HIF3A: variants seen among roughly 807,000 people sequenced by gnomAD.
The protein encoded by HIF3A is hypoxia-inducible factor 3-alpha.
In HIF3A, 41 loss-of-function variants were observed where a neutral mutation model predicts 67.2. The observed-to-expected ratio is 0.61, with a 90% CI of 0.48 to 0.79. The LOEUF (loss-of-function observed/expected upper bound fraction) is 0.79, where lower values mean the gene tolerates loss of function less well. Ranked by LOEUF, HIF3A falls within the 30% of genes least tolerant of loss-of-function variation. The probability of loss-of-function intolerance (pLI) is 0.00; values close to 1 mark genes in which losing one functional copy is unlikely to be tolerated. For synonymous variants in HIF3A, 356 were observed against 374.8 expected (o/e 0.95, Z 0.58); for missense variants, 855 against 898.0 (o/e 0.95, Z 0.61).
chr19:46,315,213 C>T lies in HIF3A; in HGVS notation c.1025+2560C>T, dbSNP rs1047926532. ...TCCTGAGTGGCTGGGATTATAGGCG[C>T]GCACCAACACGCCCAGCTAATTTTT... is the stretch of plus-strand genomic sequence containing the variant. On this transcript the variant is annotated intron_variant, in intron 8 of 14. Transcript: ENST00000377670. Among the ~76,000 whole-genome samples the T allele has an allele frequency of 4.0e-4, 59 of 145,950 alleles. 6 individuals carry two copies. Among genetic ancestry groups the T allele is most frequent in the African/African-American group, 1.1e-3 (46 of 40,300 alleles).
chr19:46,334,840 C>A, intron 13 of HIF3A, 65 bp from the exon 14 acceptor site: 1 of 1,383,434 alleles, frequency 7.2e-7, no homozygotes, highest in South Asian at 1.2e-5. Flanking sequence ...ACAGTCACCA[C>A]TCCCGGCTGT....
chr19:46,334,894 C>G lies in HIF3A; in HGVS notation c.1831-11C>G, dbSNP rs765671097. 1 of 1,604,112 alleles carries G rather than the reference C, an allele frequency of 6.2e-7. No individual in the cohort carries two copies. Among genetic ancestry groups the G allele is most frequent in the Non-Finnish European group, 8.5e-7 (1 of 1,174,572 alleles). Reference sequence around the variant, plus strand: ...GATGATGATGGTGGTGGCTTTGTCTCTCTCCCACAGAGTTTCCTTCTGACA... The same window carrying G: ...GATGATGATGGTGGTGGCTTTGTCTGTCTCCCACAGAGTTTCCTTCTGACA... On this transcript the variant is annotated splice_polypyrimidine_tract_variant and intron_variant, in intron 13 of 14. Coordinates refer to ENST00000377670, the MANE Select transcript of HIF3A (RefSeq NM_152795.4).
Position 46,330,268 on chromosome 19 carries a change from A to G in HIF3A, c.1712+790A>G, listed in dbSNP as rs1027642540. ...TATTAATGAATATAGTTGGCACTTT[A>G]ATGGGTGGACAGGTGGATGGATGCA... On this transcript the variant is annotated intron_variant, in intron 12 of 14. Transcript: ENST00000377670. 7.2e-5 allele frequency among the ~76,000 whole-genome samples: 11 copies of G among 152,298 alleles called. No homozygotes were observed. In the East Asian group the frequency reaches 1.9e-3, roughly 27 times the overall value.
At chr19:46,337,815 C>T (rs993049562) in intron 14 of HIF3A, among the ~76,000 whole-genome samples, 5 of 152,228 alleles carry the variant, frequency 3.3e-5, no homozygotes, top group Non-Finnish European at 5.9e-5. Context: ...TAACTTCATA[C>T]GCTCATGGTT....
intron 8 of HIF3A, among the ~76,000 whole-genome samples, chr19:46,317,922 T>G (rs1014466127): frequency 6.6e-6 from 1 of 152,098 alleles, no homozygotes; most frequent in Non-Finnish European, 1.5e-5. Context: ...CACTGCAATC[T>G]TAGCCTCCCG....
At chr19:46,315,851 T>C (rs1969872733) in intron 8 of HIF3A, among the ~76,000 whole-genome samples, 1 of 151,938 alleles carries the variant, frequency 6.6e-6, no homozygotes, top group South Asian at 2.1e-4. Context: ...GAGGTGGAGG[T>C]TGCAGTGAGC....
chr19:46,298,089 A>C (rs1484412445), intron 1 of HIF3A, among the ~76,000 whole-genome samples: 1 of 151,868 alleles, frequency 6.6e-6, no homozygotes, highest in Non-Finnish European at 1.5e-5. Context: ...ACCCTGGAAA[A>C]TGTTCTAGGT....
chr19:46,310,101 TA>T (rs1969298893), intron 6 of HIF3A, among the ~76,000 whole-genome samples: 1 of 152,112 alleles, frequency 6.6e-6, no homozygotes, highest in Non-Finnish European at 1.5e-5. Flanking sequence ...GGCGCATGCC[TA>T]AAATCCCAGC....
At chr19:46,328,741 A>G (rs1369219616) in intron 11 of HIF3A, among the ~76,000 whole-genome samples, 1 of 149,554 alleles carries the variant, frequency 6.7e-6, no homozygotes, top group African/African-American at 2.5e-5. Flanking sequence ...TTTTTTTTTG[A>G]GACAGTATTT....
intron 1 of HIF3A, chr19:46,298,368 C>A: frequency 3.2e-6 from 4 of 1,269,122 alleles, no homozygotes; most frequent in Non-Finnish European, 4.1e-6. Flanking sequence ...CGGGTGCCCC[C>A]CCTCCCCACC....
chr19:46,335,299 C>T (rs999091598), intron 14 of HIF3A, among the ~76,000 whole-genome samples: 6 of 147,840 alleles, frequency 4.1e-5, no homozygotes, highest in African/African-American at 1.6e-4. Flanking sequence ...GATGAAGTCT[C>T]ACTCTTGTCG....
rs769137791 is a variant in HIF3A at position 46,304,043 on chromosome 19, C to G, written c.172C>G (p.Arg58Gly). The G allele has an allele frequency of 1.9e-6, 3 of 1,587,102 alleles. No homozygotes were observed. The highest frequency in any genetic ancestry group is 2.6e-6 in the Non-Finnish European group (3 of 1,167,556). ...CCACCTGGACAAGGCCTCTATCATG[C>G]GCCTCACCATCAGCTACCTGCGCAT... is the stretch of plus-strand genomic sequence containing the variant. ...SAHLDKASIMRLTISYLRMHR... is the reference protein window; with the variant it reads ...SAHLDKASIMGLTISYLRMHR... The change falls in exon 2 of 15, where the codon CGC becomes GGC. Residue 58 changes from arginine (R) to glycine (G), a missense_variant. By Grantham distance (125) the Arg-to-Gly change is moderately radical. Transcript: ENST00000377670.
intron 8 of HIF3A, 22 bp from the exon 9 acceptor site, chr19:46,320,421 C>T: frequency 1.3e-6 from 2 of 1,589,696 alleles, no homozygotes; most frequent in Non-Finnish European, 1.7e-6. Flanking sequence ...ACTCCCACCT[C>T]CCTTTCTGCC....
chr19:46,298,630 C>A, intron 1 of HIF3A: 1 of 684,332 alleles, frequency 1.5e-6, no homozygotes, highest in Non-Finnish European at 2.1e-6. Flanking sequence ...CGGCTTGCAG[C>A]CCAGAGTGCC....
intron 10 of HIF3A, among the ~76,000 whole-genome samples, chr19:46,323,763 T>C (rs1445607843): frequency 6.6e-6 from 1 of 152,078 alleles, no homozygotes; most frequent in African/African-American, 2.4e-5. Context: ...GAAAGATATG[T>C]CTTACATGGC....
intron 11 of HIF3A, among the ~76,000 whole-genome samples, chr19:46,325,880 A>C (rs1284136316): frequency 2.0e-5 from 3 of 152,220 alleles, no homozygotes; most frequent in Admixed American, 2.0e-4. Context: ...AGCTGGATGA[A>C]AAATGGATAG....
At chr19:46,335,869 T>A (rs1971571605) in intron 14 of HIF3A, among the ~76,000 whole-genome samples, 7 of 151,762 alleles carry the variant, frequency 4.6e-5, no homozygotes, top group Admixed American at 4.6e-4. Flanking sequence ...CAAAACCCCG[T>A]CTCTACAAAA....
intron 1 of HIF3A, chr19:46,298,226 G>A: frequency 3.6e-6 from 1 of 280,504 alleles, no homozygotes; most frequent in Non-Finnish European, 7.0e-6. Context: ...CCTCTCCCCT[G>A]TCCCCTACTC....
Position 46,298,416 on chromosome 19 carries a change from G to A in HIF3A, c.26+1314G>A, listed in dbSNP as rs138942668. 771 of 1,265,978 alleles carry A rather than the reference G, an allele frequency of 6.1e-4. 3 individuals are homozygous for A. The East Asian group carries it at 9.6e-3, about 16-fold the overall frequency. 78.4% of individuals were successfully genotyped at this position (1,265,978 alleles called of 1,614,324 possible). A position where few individuals can be genotyped will look rare whatever the true frequency, so the allele number is the denominator to read the frequency against. ...TTTCCTGTGGAGTCATCTCACCGCC[G>A]TGCGCACCCACTCGTAACTCGCACC... On this transcript the variant is annotated intron_variant, in intron 1 of 14. Coordinates refer to ENST00000377670, the MANE Select transcript of HIF3A (RefSeq NM_152795.4).
Sources: allele counts gnomAD v4.1 joint callset (sites outside exome capture counted in the v4.1 genomes callset), GRCh38; gene constraint gnomAD v4.1.1; transcripts MANE v1.5; gene names NCBI Gene and HGNC (gene_info 2026-07-23, HGNC 2026-07-21).